UBE3C: variants seen among roughly 807,000 people sequenced by gnomAD.
The protein encoded by UBE3C is ubiquitin-protein ligase E3C.
UBE3C carries 42 observed loss-of-function variants against 129.4 expected under a neutral mutation model. The ratio of observed to expected loss-of-function variants is 0.32; its 90% confidence interval spans 0.25 to 0.42. The LOEUF is 0.42. Among genes scored for constraint, UBE3C ranks in the 10% least tolerant of loss-of-function variants. The pLI, the probability that UBE3C is intolerant of heterozygous loss-of-function variation, is 1.00. For missense variants in UBE3C, 1,049 were observed against 1,319.1 expected, an observed-to-expected ratio of 0.80 and a Z score of 3.17; for synonymous variants, 510 against 492.4, an observed-to-expected ratio of 1.04 and a Z score of -0.47.
intron 17 of UBE3C, 149 bp downstream of exon 17, chr7:157,225,688 C>T: frequency 1.1e-6 from 1 of 927,010 alleles, no homozygotes; most frequent in South Asian, 2.1e-5. Flanking sequence ...GCAGCTCACA[C>T]CTATAATCCC....
chr7:157,224,840 A>G (rs1795835247), intron 16 of UBE3C, among the ~76,000 whole-genome samples: 1 of 151,640 alleles, frequency 6.6e-6, no homozygotes. Flanking sequence ...TCACTCACAT[A>G]ATTCCTGAGC....
Position 157,232,803 on chromosome 7 carries a change from C to T in UBE3C, c.2481+1476C>T, listed in dbSNP as rs948714242. ...TTCCGAGAAGCATAGTGCATGGAGTCGCCTGTTTTGAGAAGCAGCTTAATT... is the reference window on the plus strand; with the variant it reads ...TTCCGAGAAGCATAGTGCATGGAGTTGCCTGTTTTGAGAAGCAGCTTAATT... On this transcript the variant is annotated intron_variant, in intron 18 of 22. Coordinates refer to ENST00000348165, the MANE Select transcript of UBE3C (RefSeq NM_014671.3). 4.6e-5 allele frequency among the ~76,000 whole-genome samples: 7 copies of T among 152,136 alleles called. No homozygotes were observed. In the South Asian group the frequency reaches 1.0e-3, roughly 23 times the overall value.
chr7:157,243,049 C>T (rs760964739), intron 18 of UBE3C, among the ~76,000 whole-genome samples: 1 of 151,148 alleles, frequency 6.6e-6, no homozygotes, highest in Non-Finnish European at 1.5e-5. Context: ...AGGGAAACTC[C>T]ATCTCAAAAA....
Position 157,231,345 on chromosome 7 carries a change from T to C in UBE3C, c.2481+18T>C, listed in dbSNP as rs897889992. On this transcript the variant is annotated intron_variant, in intron 18 of 22. Coordinates refer to ENST00000348165, the MANE Select transcript of UBE3C (RefSeq NM_014671.3). ...TTGGAAAGGTAAAGTAACCTTCATA[T>C]AAAAATAGACCTCGGACCAAAAGAT... is the stretch of plus-strand genomic sequence containing the variant. 3 of 1,610,822 alleles carry C rather than the reference T, an allele frequency of 1.9e-6. No homozygotes were observed. The highest frequency in any genetic ancestry group is 2.5e-6 in the Non-Finnish European group (3 of 1,178,962).
At chr7:157,255,432 G>A (rs1002017740) in intron 21 of UBE3C, among the ~76,000 whole-genome samples, 57 of 152,192 alleles carry the variant, frequency 3.7e-4, no homozygotes, top group African/African-American at 1.2e-3. Flanking sequence ...CCATGCGTAT[G>A]TATCTCTTAT....
intron 11 of UBE3C, among the ~76,000 whole-genome samples, chr7:157,202,903 C>T (rs557590323): frequency 2.6e-5 from 4 of 152,122 alleles, no homozygotes; most frequent in African/African-American, 7.2e-5. Context: ...TTTTTAGGAA[C>T]AAGAAGTTAG....
chr7:157,141,344 C>G (rs1807442655), intron 1 of UBE3C, among the ~76,000 whole-genome samples: 1 of 152,208 alleles, frequency 6.6e-6, no homozygotes, highest in African/African-American at 2.4e-5. Flanking sequence ...CTCCCCTGCA[C>G]TCTCACCCAT....
chr7:157,162,494 A>G (rs1043132415), intron 1 of UBE3C, among the ~76,000 whole-genome samples: 5 of 142,696 alleles, frequency 3.5e-5, no homozygotes, highest in Non-Finnish European at 7.7e-5. Context: ...TGCCCAGCCT[A>G]AATTTATTTT....
intron 5 of UBE3C, among the ~76,000 whole-genome samples, chr7:157,177,700 C>T (rs371653327): frequency 1.3e-5 from 2 of 152,188 alleles, no homozygotes; most frequent in Admixed American, 1.3e-4. Context: ...CCAGCCTGCC[C>T]GCTGGGTCCT....
intron 22 of UBE3C, among the ~76,000 whole-genome samples, chr7:157,263,381 GA>G (rs1442451866): frequency 6.6e-6 from 1 of 152,212 alleles, no homozygotes; most frequent in African/African-American, 2.4e-5. Context: ...CACACTTACA[GA>G]AAGTCGAACG....
chr7:157,238,488 G>A (rs1385712880), intron 18 of UBE3C, among the ~76,000 whole-genome samples: 2 of 152,154 alleles, frequency 1.3e-5, no homozygotes, highest in African/African-American at 4.8e-5. Flanking sequence ...GAGATGTTGG[G>A]ATGTGTGAGG....
At chr7:157,211,492 A>G (rs1456705131) in intron 13 of UBE3C, among the ~76,000 whole-genome samples, 1 of 152,170 alleles carries the variant, frequency 6.6e-6, no homozygotes, top group Non-Finnish European at 1.5e-5. Flanking sequence ...CTGTTTTTCA[A>G]AATACTCCAG....
chr7:157,159,301 A>G (rs543969822), intron 1 of UBE3C, among the ~76,000 whole-genome samples: 1 of 148,658 alleles, frequency 6.7e-6, no homozygotes, highest in African/African-American at 2.6e-5. Flanking sequence ...CACAGCAGGC[A>G]TGTGGGGAAA....
intron 6 of UBE3C, 100 bp downstream of exon 6, chr7:157,178,947 C>T: frequency 7.0e-7 from 1 of 1,437,140 alleles, no homozygotes; most frequent in Non-Finnish European, 9.4e-7. Flanking sequence ...GTCTCAATGT[C>T]AGAGCGGTAC....
At chr7:157,161,424 G>T (rs1808067092) in intron 1 of UBE3C, among the ~76,000 whole-genome samples, 1 of 151,012 alleles carries the variant, frequency 6.6e-6, no homozygotes, top group African/African-American at 2.4e-5. Context: ...TTGATAGAAA[G>T]TATCTGGAGG....
chr7:157,141,200 G>T (rs1301311997), intron 1 of UBE3C, among the ~76,000 whole-genome samples: 1 of 152,148 alleles, frequency 6.6e-6, no homozygotes, highest in Non-Finnish European at 1.5e-5. Context: ...GGGCATGGGT[G>T]CCCTGGCCTG....
chr7:157,188,535 G>T (rs569667506), intron 10 of UBE3C, among the ~76,000 whole-genome samples: 1 of 152,306 alleles, frequency 6.6e-6, no homozygotes, highest in South Asian at 2.1e-4. Context: ...TGCTTTTATT[G>T]TCGCACAACC....
chr7:157,264,873 C>T (rs556441200), intron 22 of UBE3C, among the ~76,000 whole-genome samples: 2 of 152,238 alleles, frequency 1.3e-5, no homozygotes, highest in East Asian at 1.9e-4. Flanking sequence ...CTCCTGGTCA[C>T]GTAATTTTTA....
chr7:157,198,052 G>A, intron 10 of UBE3C: 1 of 1,607,890 alleles, frequency 6.2e-7, no homozygotes, highest in African/African-American at 1.3e-5. Context: ...TGAAGCTCCA[G>A]GGGGATCTCT....
Sources: gnomAD v4.1 joint callset for allele counts (sites outside exome capture counted in the v4.1 genomes callset) on GRCh38, gnomAD v4.1.1 for gene constraint, MANE v1.5 for transcripts, NCBI Gene and HGNC (gene_info 2026-07-23, HGNC 2026-07-21) for gene names.